CDKAL1: variants seen among roughly 807,000 people sequenced by gnomAD.
CDKAL1 encodes the protein CDKAL1 threonylcarbamoyladenosine tRNA methylthiotransferase, also known as threonylcarbamoyladenosine tRNA methylthiotransferase.
Under a neutral mutation model 68.2 loss-of-function variants are expected in CDKAL1, and 32 were observed. The ratio of observed to expected loss-of-function variants is 0.47; its 90% CI spans 0.35 to 0.63. CDKAL1 has a LOEUF of 0.63. Ranked by LOEUF, CDKAL1 falls within the 30% of genes least tolerant of loss-of-function variation. The pLI, the probability that CDKAL1 is intolerant of heterozygous loss-of-function variation, is 0.00. For synonymous variants in CDKAL1, 234 were observed against 244.3 expected (o/e 0.96, Z 0.39); for missense variants, 606 against 696.7 (o/e 0.87, Z 1.47).
chr6:21,022,774 C>T (rs1768740688), intron 11 of CDKAL1, among the ~76,000 whole-genome samples: 1 of 152,180 alleles, frequency 6.6e-6, no homozygotes, highest in Non-Finnish European at 1.5e-5. Flanking sequence ...GCCTGAGGAA[C>T]TGCCAATATA....
At chr6:20,965,440 G>GGGGA (rs1765261430) in intron 10 of CDKAL1, among the ~76,000 whole-genome samples, 2 of 146,160 alleles carry the variant, frequency 1.4e-5, no homozygotes, top group African/African-American at 5.4e-5. Flanking sequence ...GGGGAGGGGA[G>GGGGA]GGGGAACATT....
At chr6:20,786,350 T>C (rs1337777370) in intron 8 of CDKAL1, among the ~76,000 whole-genome samples, 1 of 152,210 alleles carries the variant, frequency 6.6e-6, no homozygotes, top group Non-Finnish European at 1.5e-5. Flanking sequence ...TGGATATTTA[T>C]GTAGAATTTT....
At chr6:20,760,744 A>G (rs924243590) in intron 7 of CDKAL1, among the ~76,000 whole-genome samples, 4 of 152,148 alleles carry the variant, frequency 2.6e-5, no homozygotes, top group African/African-American at 9.7e-5. Context: ...TGCCTTATTC[A>G]TCCTTTGTCT....
chr6:21,073,504 A>G (rs895350289), intron 12 of CDKAL1, among the ~76,000 whole-genome samples: 1 of 152,180 alleles, frequency 6.6e-6, no homozygotes, highest in South Asian at 2.1e-4. Context: ...ATCCTTGCCA[A>G]CATTTGGTAT....
At chr6:20,818,162 A>G (rs12665734) in intron 8 of CDKAL1, among the ~76,000 whole-genome samples, 11,908 of 152,168 alleles carry the variant, frequency 0.078, 770 homozygotes, top group East Asian at 0.33. Context: ...TGGGAGATCA[A>G]ATGACAAACT....
chr6:21,050,434 C>T (rs1256464535), intron 11 of CDKAL1, among the ~76,000 whole-genome samples: 7 of 152,154 alleles, frequency 4.6e-5, no homozygotes, highest in Non-Finnish European at 1.0e-4. Flanking sequence ...GGAGGATACA[C>T]TGGACATTGA....
chr6:20,884,118 C>G (rs774433377), intron 9 of CDKAL1, among the ~76,000 whole-genome samples: 4 of 152,144 alleles, frequency 2.6e-5, no homozygotes, highest in Non-Finnish European at 5.9e-5. Context: ...TTACACCCAT[C>G]ATCAAGTGGG....
In CDKAL1 at chr6:21,201,320, G is replaced by C. The variant is rs911210735; in HGVS notation, c.1548+46G>C. On this transcript the variant is annotated intron_variant, in intron 15 of 15. Transcript: ENST00000274695. ...TCTCTACCCTGCTAGTAAAACAGCA[G>C]CTGTGGAAGCACAGTGATTCCAGGC... 3 of 1,507,998 alleles carry C rather than the reference G, an allele frequency of 2.0e-6. No homozygotes were observed. The African/African-American group carries it at 4.1e-5, about 21-fold the overall frequency. The allele number at this position is 1,507,998 out of a possible 1,614,324, so 93.4% of individuals were successfully genotyped here. A position where few individuals can be genotyped will look rare whatever the true frequency, so the allele number is the denominator to read the frequency against.
At chr6:20,616,881 A>ACACACACACACACT (rs1334938532) in intron 4 of CDKAL1, among the ~76,000 whole-genome samples, 1 of 149,678 alleles carries the variant, frequency 6.7e-6, no homozygotes, top group Non-Finnish European at 1.5e-5. Context: ...ACACACACAC[A>ACACACACACACACT]CTACAAAAAT....
chr6:21,145,586 G>A (rs943098098), intron 13 of CDKAL1, among the ~76,000 whole-genome samples: 10 of 152,186 alleles, frequency 6.6e-5, no homozygotes, highest in African/African-American at 2.4e-4. Flanking sequence ...AATCAGATTT[G>A]CAATCTGTGA....
intron 10 of CDKAL1, among the ~76,000 whole-genome samples, chr6:20,966,465 C>G (rs1765319362): frequency 6.6e-6 from 1 of 152,102 alleles, no homozygotes; most frequent in Non-Finnish European, 1.5e-5. Flanking sequence ...GGGCACAATC[C>G]ATGTTTAATA....
At chr6:20,587,880 G>C (rs1305633106) in intron 4 of CDKAL1, among the ~76,000 whole-genome samples, 1 of 151,848 alleles carries the variant, frequency 6.6e-6, no homozygotes, top group African/African-American at 2.4e-5. Context: ...CAGATTGCTT[G>C]AGCCCAGGAG....
intron 12 of CDKAL1, among the ~76,000 whole-genome samples, chr6:21,084,533 A>G: frequency 6.6e-6 from 1 of 152,218 alleles, no homozygotes; most frequent in East Asian, 1.9e-4. Context: ...TATAATACTG[A>G]CTTACCAAAT....
chr6:20,938,185 C>T (rs1052249425), intron 9 of CDKAL1, among the ~76,000 whole-genome samples: 3 of 152,080 alleles, frequency 2.0e-5, no homozygotes, highest in Admixed American at 2.0e-4. Context: ...ATCAGATTGT[C>T]CCAGATTGGC....
chr6:20,746,272 T>C (rs1230245395), intron 6 of CDKAL1, among the ~76,000 whole-genome samples: 6 of 152,210 alleles, frequency 3.9e-5, no homozygotes, highest in Admixed American at 6.5e-5. Context: ...TTCAGTGTTA[T>C]GAGGAATGTA....
chr6:20,552,616 GA>G lies in CDKAL1; in HGVS notation c.286+3913del, dbSNP rs1467291889. 7.7e-3 allele frequency among the ~76,000 whole-genome samples: 590 copies of G among 76,344 alleles called. 3 individuals carry two copies. The highest frequency in any genetic ancestry group is 0.038 in the African/African-American group (553 of 14,714). The allele number at this position is 76,344 out of a possible 152,430, so 50.1% of individuals were successfully genotyped here. A position where few individuals can be genotyped will look rare whatever the true frequency, so the allele number is the denominator to read the frequency against. On this transcript the variant is annotated intron_variant, in intron 4 of 15. Transcript: ENST00000274695. Reference sequence around the variant, plus strand: ...AATAAGGAAGTAATTACTTGAATGGGAATTTTTTTTTTTTTTTTGCTAATGT... The same window carrying G: ...AATAAGGAAGTAATTACTTGAATGGGATTTTTTTTTTTTTTTTGCTAATGT...
At chr6:20,588,053 T>C (rs1257012618) in intron 4 of CDKAL1, among the ~76,000 whole-genome samples, 1 of 152,040 alleles carries the variant, frequency 6.6e-6, no homozygotes, top group Non-Finnish European at 1.5e-5. Context: ...GGCAAGATCA[T>C]GCCACTGCAC....
At chr6:20,555,383 C>T (rs1258504954) in intron 4 of CDKAL1, among the ~76,000 whole-genome samples, 1 of 152,038 alleles carries the variant, frequency 6.6e-6, no homozygotes, top group Non-Finnish European at 1.5e-5. Flanking sequence ...TGCAGTGGCA[C>T]GATCTGGGCT....
chr6:20,926,141 G>A (rs1763174249), intron 9 of CDKAL1, among the ~76,000 whole-genome samples: 2 of 152,140 alleles, frequency 1.3e-5, no homozygotes, highest in African/African-American at 4.8e-5. Context: ...GAAATTGATG[G>A]CATCAAGAGA....
Sources: gnomAD v4.1 joint callset for allele counts (sites outside exome capture counted in the v4.1 genomes callset) on GRCh38, gnomAD v4.1.1 for gene constraint, MANE v1.5 for transcripts, NCBI Gene and HGNC (gene_info 2026-07-23, HGNC 2026-07-21) for gene names.